The following LARP1 variants were observed in gnomAD, a reference collection of about 807,000 sequenced individuals.
The protein encoded by LARP1 is La ribonucleoprotein 1, translational regulator.
LARP1 carries 36 observed loss-of-function variants against 122.7 expected under a neutral mutation model. The observed-to-expected ratio is 0.29, with a 90% CI of 0.22 to 0.39. The LOEUF is 0.39. Among genes scored for constraint, LARP1 ranks in the 10% least tolerant of loss-of-function variants. The pLI is 1.00. For synonymous variants in LARP1, 539 were observed against 528.7 expected, an observed-to-expected ratio of 1.02 and a Z score of -0.27; for missense variants, 1,040 against 1,403.6, an observed-to-expected ratio of 0.74 and a Z score of 4.14.
At chr5:154,710,893 T>G (rs1174625210), upstream of LARP1, among the ~76,000 whole-genome samples, 1 of 152,184 alleles carries the variant, frequency 6.6e-6, no homozygotes, top group East Asian at 1.9e-4. Context: ...CTCACTTGCT[T>G]TATTACATAC....
chr5:154,728,342 C>T (rs948674391), intron 1 of LARP1, among the ~76,000 whole-genome samples: 2 of 152,128 alleles, frequency 1.3e-5, no homozygotes, highest in African/African-American at 4.8e-5. Context: ...TGTGACTTTG[C>T]CACTCTTTCA....
At position 154,764,012 on chromosome 5, in the gene LARP1, CAAAAAG is replaced by C. The variant is rs553247423; in HGVS notation, c.436+7826_436+7831del. On this transcript the variant is annotated intron_variant, in intron 1 of 18. Transcript: ENST00000518297. ...CCTGGGCAACAGAGCAGGACTGTCTCAAAAAGAAAAAGCTGCCTGGGTGCGGTGGTT... is the reference window on the plus strand; with the variant it reads ...CCTGGGCAACAGAGCAGGACTGTCTCAAAAAGCTGCCTGGGTGCGGTGGTT... Among the ~76,000 whole-genome samples the C allele has an allele frequency of 9.5e-4, 144 of 151,040 alleles. 2 individuals are homozygous for C. The highest frequency in any genetic ancestry group is 9.3e-3 in the East Asian group (47 of 5,046).
chr5:154,711,089 G>T (rs1198986182), upstream of LARP1, among the ~76,000 whole-genome samples: 2 of 151,590 alleles, frequency 1.3e-5, no homozygotes, highest in Non-Finnish European at 2.9e-5. Flanking sequence ...CTGGAATTTT[G>T]AAGACTACTA....
intron 18 of LARP1, among the ~76,000 whole-genome samples, chr5:154,812,421 TA>T (rs1333918160): frequency 6.6e-6 from 1 of 151,790 alleles, no homozygotes; most frequent in Admixed American, 6.6e-5. Context: ...TCAGGAAACT[TA>T]AAATCTTGGC....
chr5:154,747,946 C>G (rs759735032), intron 1 of LARP1, among the ~76,000 whole-genome samples: 2 of 152,196 alleles, frequency 1.3e-5, no homozygotes, highest in Non-Finnish European at 2.9e-5. Context: ...CAACTTCAAA[C>G]TCCTGGGCTC....
At chr5:154,735,683 C>T (rs892939448) in intron 1 of LARP1, among the ~76,000 whole-genome samples, 44 of 151,378 alleles carry the variant, frequency 2.9e-4, no homozygotes, top group African/African-American at 1.0e-3. Context: ...ATTCTCCTGC[C>T]TCAGCCTCCT....
rs560398580 is a variant in LARP1 at position 154,805,411 on chromosome 5, G to A, written c.2547-470G>A. ...TCATGGTCTTCACATTGAGCAGGCT[G>A]AGAAGGAGGGGTTGGTCTTGCTGTC... On this transcript the variant is annotated intron_variant, in intron 14 of 18. Coordinates refer to ENST00000518297, the MANE Select transcript of LARP1 (RefSeq NM_033551.3). 2.0e-5 allele frequency among the ~76,000 whole-genome samples: 3 copies of A among 152,298 alleles called. No homozygotes were observed. The South Asian group carries it at 6.2e-4, about 32-fold the overall frequency.
rs548560350 is a variant in LARP1 at position 154,811,347 on chromosome 5, T to C, written c.2944T>C (p.Tyr982His). The change falls in exon 17 of 19, where the codon TAT (tyrosine) becomes CAT (histidine). Residue 982 changes from tyrosine (Y) to histidine (H), a missense_variant. Coordinates refer to ENST00000518297, the MANE Select transcript of LARP1 (RefSeq NM_033551.3). Reference protein sequence around the residue: ...KDFQEETVKDYEAGQLYGLEK... With the variant: ...KDFQEETVKDHEAGQLYGLEK... ...TTTTCAGGAGGAAACGGTGAAGGAC[T>C]ATGAAGCTGGTAAGAGCCAGAGTTG... 1.2e-6 allele frequency: 2 copies of C among 1,614,076 alleles called. No individual in the cohort carries two copies. Among genetic ancestry groups the C allele is most frequent in the South Asian group, 2.2e-5 (2 of 91,080 alleles).
At chr5:154,728,933 A>T (rs958315667) in intron 1 of LARP1, among the ~76,000 whole-genome samples, 3 of 152,166 alleles carry the variant, frequency 2.0e-5, no homozygotes, top group Admixed American at 2.0e-4. Flanking sequence ...TATGAAACTT[A>T]CTGGAAATGG....
intron 1 of LARP1, among the ~76,000 whole-genome samples, chr5:154,696,308 T>C (rs931220312): frequency 2.0e-5 from 3 of 152,228 alleles, no homozygotes; most frequent in African/African-American, 7.2e-5. Context: ...AGTGAGCCGA[T>C]ATTGTGCCAC....
chr5:154,782,541 C>G (rs1024146134), intron 1 of LARP1, among the ~76,000 whole-genome samples: 1 of 152,110 alleles, frequency 6.6e-6, no homozygotes, highest in Non-Finnish European at 1.5e-5. Flanking sequence ...CCAGGCTGGC[C>G]AGCATCATGT....
At chr5:154,700,839 C>T (rs1233375552) in intron 1 of LARP1, among the ~76,000 whole-genome samples, 1 of 151,972 alleles carries the variant, frequency 6.6e-6, no homozygotes, top group Non-Finnish European at 1.5e-5. Context: ...TGCCTGTAAT[C>T]CCAGCTACTG....
intron 1 of LARP1, among the ~76,000 whole-genome samples, chr5:154,789,168 G>A (rs1217691641): frequency 2.0e-5 from 3 of 147,648 alleles, no homozygotes; most frequent in Non-Finnish European, 3.0e-5. Flanking sequence ...CCGAGATGGC[G>A]CCACTGCACT....
At position 154,803,745 on chromosome 5, in the gene LARP1, G is replaced by GGT. The variant is rs1281731857; in HGVS notation, c.2439+2_2439+3dup. The GGT allele has an allele frequency of 3.7e-6, 6 of 1,613,806 alleles. No individual in the cohort carries two copies. Among genetic ancestry groups the GGT allele is most frequent in the Non-Finnish European group, 5.1e-6 (6 of 1,179,764 alleles). On this transcript the variant is annotated frameshift_variant and splice_region_variant. Coordinates refer to ENST00000518297, the MANE Select transcript of LARP1 (RefSeq NM_033551.3). LOFTEE classifies it high-confidence loss of function. This position sits in a 1 kb window ranked among gnomAD's most constrained non-coding sequence, Gnocchi z 4.4. ...AAGAAGGACGGACACTGGATGCCAA[G>GGT]GTGAGGCATTCCTGTCGGGCTGCTC...
At chr5:154,751,486 A>G (rs542934052), upstream of LARP1, among the ~76,000 whole-genome samples, 1 of 152,344 alleles carries the variant, frequency 6.6e-6, no homozygotes, top group Admixed American at 6.5e-5. Flanking sequence ...CCTAGCGTAC[A>G]CTAGTTACCC....
intron 18 of LARP1, 104 bp downstream of exon 18, chr5:154,811,744 C>A: frequency 7.3e-7 from 1 of 1,374,428 alleles, no homozygotes; most frequent in Non-Finnish European, 1.0e-6. Flanking sequence ...GCCCAGGAAC[C>A]CCTCTCCCTG....
chr5:154,814,299 T>A lies in LARP1; in HGVS notation c.*203T>A, dbSNP rs775074274. 33 of 521,222 alleles carry A rather than the reference T, an allele frequency of 6.3e-5. No individual in the cohort carries two copies. The South Asian group carries it at 9.5e-4, about 15-fold the overall frequency. 32.3% of individuals were successfully genotyped at this position (521,222 alleles called of 1,614,324 possible). A position where few individuals can be genotyped will look rare whatever the true frequency, so the allele number is the denominator to read the frequency against. ...AGGAGCCTCTACATCCCCTTCCCCC[T>A]CCTCTCTCCATGACTCTTGACATCC... On this transcript the variant is annotated 3_prime_UTR_variant, in exon 19 of 19. Coordinates refer to ENST00000518297, the MANE Select transcript of LARP1 (RefSeq NM_033551.3).
chr5:154,814,270 GGGCAGGA>G lies in LARP1; in HGVS notation c.*176_*182del. The G allele has an allele frequency of 3.3e-6, 2 of 612,146 alleles. 1 individual carries two copies. The highest frequency in any genetic ancestry group is 4.6e-5 in the South Asian group (2 of 43,648). 37.9% of individuals were successfully genotyped at this position (612,146 alleles called of 1,614,324 possible). ...CATTTGGGCTATCAGAGGTACCCCT[GGGCAGGA>G]GCCTCTACATCCCCTTCCCCCTCCT... is the stretch of plus-strand genomic sequence containing the variant. On this transcript the variant is annotated 3_prime_UTR_variant, in exon 19 of 19. Coordinates refer to ENST00000518297, the MANE Select transcript of LARP1 (RefSeq NM_033551.3).
At chr5:154,687,571 C>T (rs1009001884) in intron 1 of LARP1, among the ~76,000 whole-genome samples, 5 of 152,258 alleles carry the variant, frequency 3.3e-5, no homozygotes, top group South Asian at 4.2e-4. Context: ...TTAGTGGAGA[C>T]GGGGTTTCAC....
Sources: gnomAD v4.1 joint callset for allele counts (sites outside exome capture counted in the v4.1 genomes callset) on GRCh38, gnomAD v4.1.1 for gene constraint, Gnocchi (gnomAD v3.1) non-coding constraint, MANE v1.5 for transcripts, NCBI Gene and HGNC (gene_info 2026-07-23, HGNC 2026-07-21) for gene names.